The following NECAB2 variants were observed in gnomAD, a reference collection of about 807,000 sequenced individuals.
NECAB2 encodes the protein N-terminal EF-hand calcium binding protein 2.
In NECAB2, 68 loss-of-function variants were observed where a neutral mutation model predicts 51.9. That is an observed-to-expected ratio of 1.31 (90% confidence interval 1.08 to 1.60). The LOEUF (loss-of-function observed/expected upper bound fraction) is 1.60, where lower values mean the gene tolerates loss of function less well. NECAB2 is among the 40% of genes most tolerant of loss of function. The pLI is 0.00. For synonymous variants in NECAB2, 329 were observed against 203.5 expected, an observed-to-expected ratio of 1.62 and a Z score of -5.25; for missense variants, 854 against 490.3, an observed-to-expected ratio of 1.74 and a Z score of -7.00.
intron 11 of NECAB2, among the ~76,000 whole-genome samples, chr16:84,001,370 C>G (rs1051896668): frequency 6.6e-6 from 1 of 152,112 alleles, no homozygotes; most frequent in African/African-American, 2.4e-5. Context: ...TCCTGCTTCC[C>G]TGGTAAACAC....
intron 8 of NECAB2, among the ~76,000 whole-genome samples, chr16:83,996,103 C>T (rs530673131): frequency 6.6e-6 from 1 of 152,348 alleles, no homozygotes; most frequent in South Asian, 2.1e-4. Context: ...CACCGGCCAA[C>T]CGGAGCTGCC....
Position 83,998,400 on chromosome 16 carries a change from G to A in NECAB2, c.962+83G>A, listed in dbSNP as rs917478568. ...GAGGAACAGGGCAGGACTAGGCTTT[G>A]CCCTAAGTAGTACAAGTTGCACCCC... On this transcript the variant is annotated intron_variant, in intron 10 of 12. Transcript: ENST00000305202. 7 of 1,336,298 alleles carry A rather than the reference G, an allele frequency of 5.2e-6. No homozygotes were observed. The African/African-American group carries it at 8.6e-5, about 16-fold the overall frequency. The allele number at this position is 1,336,298 out of a possible 1,614,324, so 82.8% of individuals were successfully genotyped here. A position where few individuals can be genotyped will look rare whatever the true frequency, so the allele number is the denominator to read the frequency against.
At chr16:83,980,396 C>G (rs2084471118) in intron 3 of NECAB2, among the ~76,000 whole-genome samples, 1 of 152,134 alleles carries the variant, frequency 6.6e-6, no homozygotes, top group Non-Finnish European at 1.5e-5. Flanking sequence ...GACCCAGGGG[C>G]TGCGACCAGA....
chr16:83,994,922 G>C (rs1027118115), intron 8 of NECAB2, among the ~76,000 whole-genome samples: 1 of 152,140 alleles, frequency 6.6e-6, no homozygotes, highest in Non-Finnish European at 1.5e-5. Flanking sequence ...AGTGTTGGGG[G>C]GTCAGGCGGG....
At chr16:83,970,313 C>G (rs1417738378) in intron 1 of NECAB2, among the ~76,000 whole-genome samples, 1 of 152,212 alleles carries the variant, frequency 6.6e-6, no homozygotes, top group Non-Finnish European at 1.5e-5. Flanking sequence ...AGAGCCGGCA[C>G]CTACCTGGTG....
At chr16:83,978,233 G>A (rs1468693548) in intron 2 of NECAB2, among the ~76,000 whole-genome samples, 1 of 152,176 alleles carries the variant, frequency 6.6e-6, no homozygotes, top group Non-Finnish European at 1.5e-5. Flanking sequence ...GGAGTTTACT[G>A]GTTAGTGTGG....
At chr16:83,992,377 T>TCCCCCCCCCCCCC (rs60014664) in intron 6 of NECAB2, among the ~76,000 whole-genome samples, 8 of 133,044 alleles carry the variant, frequency 6.0e-5, no homozygotes, top group African/African-American at 2.2e-4. Context: ...CGAGCACCCG[T>TCCCCCCCCCCCCC]CCCCCCGCCC....
At position 83,972,173 on chromosome 16, in the gene NECAB2, A is replaced by G. The variant is rs1253338158; in HGVS notation, c.224A>G (p.Asn75Ser). 6.2e-7 allele frequency: 1 copy of G among 1,613,562 alleles called. No homozygotes were observed. The highest frequency in any genetic ancestry group is 8.5e-7 in the Non-Finnish European group (1 of 1,180,020). The change falls in exon 2 of 13, where the codon AAT becomes AGT. Residue 75 changes from asparagine to serine, a missense_variant and splice_region_variant. Coordinates refer to ENST00000305202, the MANE Select transcript of NECAB2 (RefSeq NM_019065.3). ...CAGATTTTCCGCCGTGCGGACAAAA[A>G]TGGTGAGTTTCCCTTCCAGGCCGAC... ...ILDIFRRADK[N>S]DDGKLSLEEF...
chr16:83,988,354 G>A (rs763437997), intron 5 of NECAB2, among the ~76,000 whole-genome samples: 14 of 151,940 alleles, frequency 9.2e-5, no homozygotes, highest in Non-Finnish European at 1.6e-4. Flanking sequence ...CACTTCATCA[G>A]TTACTTTAAA....
chr16:84,000,413 C>G (rs368060960), intron 10 of NECAB2, among the ~76,000 whole-genome samples: 1 of 152,202 alleles, frequency 6.6e-6, no homozygotes, highest in African/African-American at 2.4e-5. Context: ...CTCTAGTCCC[C>G]GCTACTTGGA....
At chr16:83,966,058 A>T (rs1229323184), upstream of NECAB2, 3 of 1,356,716 alleles carry the variant, frequency 2.2e-6, no homozygotes, top group Admixed American at 2.7e-5. Flanking sequence ...AGAGATGACC[A>T]CATCCCTGCT....
intron 9 of NECAB2, 22 bp downstream of exon 9, chr16:83,997,291 C>T (rs1412032134): frequency 8.7e-6 from 14 of 1,613,976 alleles, no homozygotes; most frequent in Non-Finnish European, 1.0e-5. Flanking sequence ...TCCCACCTCT[C>T]TTCTGGGACC....
At chr16:84,001,948 C>T (rs1441600124) in intron 12 of NECAB2, 32 bp downstream of exon 12, 1 of 1,603,496 alleles carries the variant, frequency 6.2e-7, no homozygotes, top group East Asian at 2.2e-5. Flanking sequence ...CTGCAGTGGC[C>T]ACCTGACTGG....
upstream of NECAB2, among the ~76,000 whole-genome samples, chr16:83,966,625 C>T (rs2084283543): frequency 6.6e-6 from 1 of 152,304 alleles, no homozygotes; most frequent in East Asian, 1.9e-4. Flanking sequence ...AGGCCTCCCT[C>T]CTCTCTGTTC....
At chr16:83,992,255 G>C (rs991004255) in intron 6 of NECAB2, among the ~76,000 whole-genome samples, 1 of 151,986 alleles carries the variant, frequency 6.6e-6, no homozygotes, top group African/African-American at 2.4e-5. Context: ...GGAACCATGG[G>C]AATGCATCTG....
intron 1 of NECAB2, chr16:83,971,862 C>G (rs1047498872): frequency 3.5e-6 from 2 of 573,470 alleles, no homozygotes; most frequent in Admixed American, 6.1e-5. Flanking sequence ...GGACCTACAC[C>G]TGCAGGGATG....
At position 83,992,377 on chromosome 16, in the gene NECAB2, T is replaced by TTC. The variant is rs1555548086; in HGVS notation, c.596+1747_596+1748insTC. Among the ~76,000 whole-genome samples the TTC allele has an allele frequency of 7.2e-4, 96 of 133,118 alleles. 2 individuals are homozygous for TTC. Among genetic ancestry groups the TTC allele is most frequent in the African/African-American group, 3.0e-3 (94 of 31,440 alleles). 87.3% of individuals were successfully genotyped at this position (133,118 alleles called of 152,430 possible). A position where few individuals can be genotyped will look rare whatever the true frequency, so the allele number is the denominator to read the frequency against. ...ATCTCCCGGGGAACACGAGCACCCG[T>TTC]CCCCCCGCCCACCTCCATTTGCTGT... On this transcript the variant is annotated intron_variant, in intron 6 of 12. Coordinates refer to ENST00000305202, the MANE Select transcript of NECAB2 (RefSeq NM_019065.3).
At chr16:84,000,630 T>C (rs1214567617) in intron 10 of NECAB2, 94 bp from the exon 11 acceptor site, 5 of 940,590 alleles carry the variant, frequency 5.3e-6, no homozygotes, top group Non-Finnish European at 8.5e-6. Context: ...AGCCGTTGTG[T>C]ATAGTGGTGG....
chr16:83,982,775 G>C (rs181159097), intron 5 of NECAB2, among the ~76,000 whole-genome samples: 2 of 152,278 alleles, frequency 1.3e-5, no homozygotes, highest in African/African-American at 2.4e-5. Flanking sequence ...ATGATGTCAG[G>C]GGTGGTCTTT....
Sources: allele counts gnomAD v4.1 joint callset (sites outside exome capture counted in the v4.1 genomes callset), GRCh38; gene constraint gnomAD v4.1.1; transcripts MANE v1.5; gene names NCBI Gene and HGNC (gene_info 2026-07-23, HGNC 2026-07-21).